DERA: variants seen among roughly 807,000 people sequenced by gnomAD.
DERA encodes the protein deoxyribose-phosphate aldolase, also known as 2-deoxy-D-ribose 5-phosphate aldolase.
Under a neutral mutation model 41.1 loss-of-function variants are expected in DERA, and 15 were observed. The ratio of observed to expected loss-of-function variants is 0.37; its 90% CI spans 0.24 to 0.56. DERA has a LOEUF of 0.56. Ranked by LOEUF, DERA falls within the 20% of genes least tolerant of loss-of-function variation. The pLI is 0.81. For synonymous variants in DERA, 139 were observed against 137.4 expected (o/e 1.01, Z -0.08); for missense variants, 396 against 403.4 (o/e 0.98, Z 0.16).
At chr12:15,986,175 GT>G (rs1948763184) in intron 6 of DERA, among the ~76,000 whole-genome samples, 1 of 151,994 alleles carries the variant, frequency 6.6e-6, no homozygotes, top group African/African-American at 2.4e-5. Context: ...GCTTTCTTGT[GT>G]TTAATACTTG....
At chr12:15,949,898 A>C (rs1366376877) in intron 1 of DERA, among the ~76,000 whole-genome samples, 1 of 152,160 alleles carries the variant, frequency 6.6e-6, no homozygotes, top group East Asian at 1.9e-4. Context: ...AACTGATTTC[A>C]TGACTTATCT....
rs1388591425 is a variant in DERA, at chr12:15,921,954, C to T, written c.31+10540C>T. Among the ~76,000 whole-genome samples the T allele has an allele frequency of 1.3e-5, 2 of 151,954 alleles. No homozygotes were observed. Among genetic ancestry groups the T allele is most frequent in the Non-Finnish European group, 2.9e-5 (2 of 68,010 alleles). On this transcript the variant is annotated intron_variant, in intron 1 of 8. Coordinates refer to ENST00000428559, the MANE Select transcript of DERA (RefSeq NM_015954.4). The surrounding 1 kb of genome is among the most constrained non-coding windows in gnomAD (Gnocchi z 5.3). ...AATAATAATAATAATAAATAATTTT[C>T]CAAGGAATAAACAAGAAATGTATTT...
chr12:15,974,198 C>G (rs1948682674), intron 5 of DERA, among the ~76,000 whole-genome samples: 1 of 152,140 alleles, frequency 6.6e-6, no homozygotes, highest in Non-Finnish European at 1.5e-5. Flanking sequence ...CAGGGACACT[C>G]TTGTACCAAG....
rs1044645222 is a variant in DERA, at chr12:16,017,673, T to C, written c.638-14869T>C. 6.6e-6 allele frequency among the ~76,000 whole-genome samples: 1 copy of C among 152,224 alleles called. No individual in the cohort carries two copies. Among genetic ancestry groups the C allele is most frequent in the Non-Finnish European group, 1.5e-5 (1 of 68,026 alleles). ...AGAATACAATATTGAAGACTTTTAATTTGAGGGCTTATATCTTTGCATACC... is the reference window on the plus strand; with the variant it reads ...AGAATACAATATTGAAGACTTTTAACTTGAGGGCTTATATCTTTGCATACC... On this transcript the variant is annotated intron_variant, in intron 6 of 8. Transcript: ENST00000428559. The surrounding 1 kb of genome is among the most constrained non-coding windows in gnomAD (Gnocchi z 5.5).
At position 16,000,114 on chromosome 12, in the gene DERA, G is replaced by A. The variant is rs1948864791; in HGVS notation, c.637+17678G>A. ...AGTGATTGCATGCTGAGCAGGGAAG[G>A]GAAGGGCAGATCCAACTCCTAATGG... On this transcript the variant is annotated intron_variant, in intron 6 of 8. Coordinates refer to ENST00000428559, the MANE Select transcript of DERA (RefSeq NM_015954.4). This position sits in a 1 kb window ranked among gnomAD's most constrained non-coding sequence, Gnocchi z 4.8. Among the ~76,000 whole-genome samples the A allele has an allele frequency of 6.6e-6, 1 of 152,186 alleles. No individual in the cohort carries two copies. The highest frequency in any genetic ancestry group is 1.5e-5 in the Non-Finnish European group (1 of 68,030).
rs764813000 is a variant in DERA, at chr12:15,954,008, G to T, written c.32-2928G>T. On this transcript the variant is annotated intron_variant, in intron 1 of 8. Coordinates refer to ENST00000428559, the MANE Select transcript of DERA (RefSeq NM_015954.4). This position sits in a 1 kb window ranked among gnomAD's most constrained non-coding sequence, Gnocchi z 4.0. ...AGTCAAGGCTGATACTGTGAGAGAAGAAATCCTATTACATTCTCCAGTAGA... is the reference window on the plus strand; with the variant it reads ...AGTCAAGGCTGATACTGTGAGAGAATAAATCCTATTACATTCTCCAGTAGA... 6.2e-4 allele frequency among the ~76,000 whole-genome samples: 95 copies of T among 152,220 alleles called. No individual in the cohort carries two copies. Among genetic ancestry groups the T allele is most frequent in the Non-Finnish European group, 1.3e-3 (88 of 68,044 alleles).
At chr12:15,975,205 C>T (rs183414208) in intron 5 of DERA, among the ~76,000 whole-genome samples, 8 of 152,220 alleles carry the variant, frequency 5.3e-5, no homozygotes, top group East Asian at 3.9e-4. Flanking sequence ...TTTGGGCATC[C>T]GAGTTTTTAA....
chr12:15,932,501 T>G (rs956474911), intron 1 of DERA, among the ~76,000 whole-genome samples: 10 of 152,066 alleles, frequency 6.6e-5, no homozygotes, highest in African/African-American at 2.2e-4. Context: ...AATACAAAAA[T>G]TAGCTGGGTG....
chr12:15,948,872 G>C (rs953046096), intron 1 of DERA, among the ~76,000 whole-genome samples: 1 of 152,156 alleles, frequency 6.6e-6, no homozygotes, highest in African/African-American at 2.4e-5. Context: ...TACAGATGGG[G>C]TTTTGGTGTG....
chr12:15,947,808 G>T (rs149984406), intron 1 of DERA, among the ~76,000 whole-genome samples: 9 of 152,108 alleles, frequency 5.9e-5, no homozygotes. Flanking sequence ...TAGCATTGAC[G>T]GTCTTTACAA....
rs1949054221 is a variant in DERA, at chr12:16,026,489, T to C, written c.638-6053T>C. Among the ~76,000 whole-genome samples the C allele has an allele frequency of 6.6e-6, 1 of 151,482 alleles. No homozygotes were observed. Among genetic ancestry groups the C allele is most frequent in the Non-Finnish European group, 1.5e-5 (1 of 67,770 alleles). On this transcript the variant is annotated intron_variant, in intron 6 of 8. Transcript: ENST00000428559. This position sits in a 1 kb window ranked among gnomAD's most constrained non-coding sequence, Gnocchi z 4.4. ...AACAACCAAAACTCACAAGGAGAAA[T>C]AGTCTGAATAGGTCTATATCTATTA... is the stretch of plus-strand genomic sequence containing the variant.
In DERA at chr12:15,993,418, T is replaced by C. The variant is rs1355130536; in HGVS notation, c.637+10982T>C. Among the ~76,000 whole-genome samples, 1 of 151,832 alleles carries C rather than the reference T, an allele frequency of 6.6e-6. No homozygotes were observed. The highest frequency in any genetic ancestry group is 1.5e-5 in the Non-Finnish European group (1 of 67,948). On this transcript the variant is annotated intron_variant, in intron 6 of 8. Transcript: ENST00000428559. The surrounding 1 kb of genome is among the most constrained non-coding windows in gnomAD (Gnocchi z 4.4). ...GGAATCCCTCCTCTTAGGCTGCAAG[T>C]CTTTGTATACTCAAGGAGTATTGAT...
rs891624299 is a variant in DERA, at chr12:16,000,661, T to G, written c.637+18225T>G. Among the ~76,000 whole-genome samples, 1 of 152,210 alleles carries G rather than the reference T, an allele frequency of 6.6e-6. No homozygotes were observed. The highest frequency in any genetic ancestry group is 1.5e-5 in the Non-Finnish European group (1 of 68,036). On this transcript the variant is annotated intron_variant, in intron 6 of 8. Coordinates refer to ENST00000428559, the MANE Select transcript of DERA (RefSeq NM_015954.4). This position sits in a 1 kb window ranked among gnomAD's most constrained non-coding sequence, Gnocchi z 4.8. ...GAATAGTCAATGAAATTGGAAAGAATTTAGATCATCCATGTCACACAAAGC... is the reference window on the plus strand; with the variant it reads ...GAATAGTCAATGAAATTGGAAAGAAGTTAGATCATCCATGTCACACAAAGC...
In DERA at chr12:15,989,743, T is replaced by C. The variant is rs993797275; in HGVS notation, c.637+7307T>C. ...TTATTTTATAATTTTTGTAGCCATT[T>C]AGATTATGGTCAAAAAGAAATTCTT... is the stretch of plus-strand genomic sequence containing the variant. On this transcript the variant is annotated intron_variant, in intron 6 of 8. Transcript: ENST00000428559. The surrounding 1 kb of genome is among the most constrained non-coding windows in gnomAD (Gnocchi z 5.2). Among the ~76,000 whole-genome samples the C allele has an allele frequency of 1.3e-5, 2 of 152,254 alleles. No homozygotes were observed. Among genetic ancestry groups the C allele is most frequent in the African/African-American group, 4.8e-5 (2 of 41,478 alleles).
chr12:16,031,252 T>C (rs1949090530), intron 6 of DERA, among the ~76,000 whole-genome samples: 1 of 152,224 alleles, frequency 6.6e-6, no homozygotes. Context: ...GTGTCTACAT[T>C]GTATGGTTTT....
At chr12:15,962,334 T>G (rs550979377) in intron 4 of DERA, among the ~76,000 whole-genome samples, 2 of 152,328 alleles carry the variant, frequency 1.3e-5, no homozygotes, top group African/African-American at 4.8e-5. Flanking sequence ...ACAGTTTGTT[T>G]ACCACAGCTA....
intron 1 of DERA, among the ~76,000 whole-genome samples, chr12:15,917,964 C>T (rs1427425577): frequency 1.3e-5 from 2 of 152,208 alleles, no homozygotes; most frequent in Non-Finnish European, 2.9e-5. Context: ...ACTGTATACA[C>T]ACACACTTCT....
At chr12:16,016,791 C>CAAAAAAAAAA (rs55996641) in intron 6 of DERA, among the ~76,000 whole-genome samples, 18 of 58,678 alleles carry the variant, frequency 3.1e-4, no homozygotes, top group South Asian at 1.1e-3. Flanking sequence ...GACCCTGTCT[C>CAAAAAAAAAA]AAAAAAAAAA....
intron 3 of DERA, 44 bp downstream of exon 3, chr12:15,958,379 A>C: frequency 2.0e-6 from 3 of 1,478,930 alleles, no homozygotes; most frequent in Non-Finnish European, 2.7e-6. Flanking sequence ...AGTGCTTACA[A>C]TACTGATTAC....
Sources: gnomAD v4.1 joint callset for allele counts (sites outside exome capture counted in the v4.1 genomes callset) on GRCh38, gnomAD v4.1.1 for gene constraint, Gnocchi (gnomAD v3.1) non-coding constraint, MANE v1.5 for transcripts, NCBI Gene and HGNC (gene_info 2026-07-23, HGNC 2026-07-21) for gene names.